The following PTGER3 variants were observed in gnomAD, a reference collection of about 807,000 sequenced individuals.
The protein encoded by PTGER3 is prostaglandin E2 receptor EP3 subtype.
A neutral mutation model predicts 34.7 loss-of-function variants in PTGER3; 22 were observed. The observed-to-expected ratio is 0.63, with a 90% confidence interval of 0.45 to 0.91. PTGER3 has a LOEUF of 0.91. PTGER3 is among the 40% of genes least tolerant of loss of function. PTGER3 has a pLI of 0.00. For missense variants in PTGER3, 468 were observed against 519.4 expected, an observed-to-expected ratio of 0.90 and a Z score of 0.96; for synonymous variants, 241 against 230.1, an observed-to-expected ratio of 1.05 and a Z score of -0.43.
At chr1:70,995,857 G>T (rs1349278912) in intron 2 of PTGER3, among the ~76,000 whole-genome samples, 1 of 152,072 alleles carries the variant, frequency 6.6e-6, no homozygotes, top group Non-Finnish European at 1.5e-5. Flanking sequence ...AGTGTTATTT[G>T]ATGTTAATAT....
chr1:70,957,403 A>T (rs573725378), intron 2 of PTGER3, among the ~76,000 whole-genome samples: 1 of 152,328 alleles, frequency 6.6e-6, no homozygotes, highest in Non-Finnish European at 1.5e-5. Context: ...CCTTCATTTA[A>T]CTTGATCATT....
intron 1 of PTGER3, among the ~76,000 whole-genome samples, chr1:71,013,882 TC>T (rs1457999710): frequency 6.6e-6 from 1 of 151,954 alleles, no homozygotes; most frequent in Non-Finnish European, 1.5e-5. Context: ...GGGTTCACAA[TC>T]CCAAGCAAAG....
chr1:70,969,605 GA>G (rs912765690), downstream of PTGER3, among the ~76,000 whole-genome samples: 1 of 152,074 alleles, frequency 6.6e-6, no homozygotes, highest in African/African-American at 2.4e-5. Flanking sequence ...CAGAGGTAAG[GA>G]AAAAACAAAA....
At chr1:71,046,235 G>C (rs1660783071) in intron 1 of PTGER3, among the ~76,000 whole-genome samples, 1 of 143,126 alleles carries the variant, frequency 7.0e-6, no homozygotes, top group South Asian at 2.2e-4. Flanking sequence ...GCAGTGAGCC[G>C]AGGCTGCGCC....
At chr1:70,960,026 A>T (rs901852234) in intron 2 of PTGER3, among the ~76,000 whole-genome samples, 1 of 152,166 alleles carries the variant, frequency 6.6e-6, no homozygotes, top group African/African-American at 2.4e-5. Flanking sequence ...CAGGGAGAAC[A>T]CTATGTGAAC....
chr1:70,952,990 G>C (rs753030889), exon 4 of PTGER3: 46 of 1,612,824 alleles, frequency 2.9e-5, no homozygotes, highest in Admixed American at 8.3e-5. Flanking sequence ...TTCAGCACAC[G>C]ATAGGTTTGT....
intron 4 of PTGER3, among the ~76,000 whole-genome samples, chr1:70,888,387 A>T (rs762090910): frequency 1.3e-5 from 2 of 152,200 alleles, no homozygotes; most frequent in African/African-American, 2.4e-5. Flanking sequence ...CAGGTATTTT[A>T]AAAATTGCAT....
chr1:70,928,868 T>TATAC (rs1553164350), intron 4 of PTGER3, among the ~76,000 whole-genome samples: 12 of 147,172 alleles, frequency 8.2e-5, no homozygotes, highest in Non-Finnish European at 1.1e-4. Flanking sequence ...AATTTACAGA[T>TATAC]ACACACACAC....
chr1:71,022,021 T>C (rs1165495488), intron 1 of PTGER3, among the ~76,000 whole-genome samples: 1 of 151,906 alleles, frequency 6.6e-6, no homozygotes, highest in Admixed American at 6.6e-5. Context: ...AAAAAATAAC[T>C]GTGCTTATTT....
intron 4 of PTGER3, among the ~76,000 whole-genome samples, chr1:70,853,595 G>T (rs556782742): frequency 6.6e-5 from 10 of 152,182 alleles, no homozygotes; most frequent in Non-Finnish European, 1.3e-4. Flanking sequence ...TAATAATATT[G>T]TGGTTTTGTA....
intron 4 of PTGER3, among the ~76,000 whole-genome samples, chr1:70,919,205 T>C (rs936751681): frequency 1.3e-5 from 2 of 152,286 alleles, no homozygotes; most frequent in Admixed American, 1.3e-4. Flanking sequence ...CAATTTAGTC[T>C]GTTGGGATCT....
intron 4 of PTGER3, among the ~76,000 whole-genome samples, chr1:70,912,481 A>C (rs1163150441): frequency 6.6e-6 from 1 of 151,998 alleles, no homozygotes; most frequent in East Asian, 1.9e-4. Context: ...TTTGTTTTTC[A>C]TTGCTTTTCT....
intron 2 of PTGER3, chr1:71,008,052 T>C (rs917977887): frequency 2.1e-5 from 21 of 984,198 alleles, no homozygotes; most frequent in Non-Finnish European, 2.5e-5. Flanking sequence ...TTTAAAAATA[T>C]GAAGTTATTA....
Position 70,952,759 on chromosome 1 carries a change from A to G in PTGER3, c.*148T>C, listed in dbSNP as rs954948385. 3.1e-6 allele frequency: 4 copies of G among 1,300,340 alleles called. No homozygotes were observed. The African/African-American group carries it at 4.5e-5, about 15-fold the overall frequency. 80.6% of individuals were successfully genotyped at this position (1,300,340 alleles called of 1,614,324 possible). A position where few individuals can be genotyped will look rare whatever the true frequency, so the allele number is the denominator to read the frequency against. On this transcript the variant is annotated 3_prime_UTR_variant, in exon 4 of 4. Transcript: ENST00000356595. ...CTAAAAATATGCCCATGTTTGCCCA[A>G]ATGACCTGGCTTGCTGGTAATCTCC...
At chr1:70,882,229 G>A (rs1004174556) in intron 4 of PTGER3, among the ~76,000 whole-genome samples, 3 of 152,208 alleles carry the variant, frequency 2.0e-5, no homozygotes, top group African/African-American at 7.2e-5. Context: ...GCATGGGTGT[G>A]TGGTGTCACC....
chr1:70,940,014 G>T (rs1649610569), intron 4 of PTGER3, among the ~76,000 whole-genome samples: 2 of 152,136 alleles, frequency 1.3e-5, no homozygotes, highest in African/African-American at 4.8e-5. Flanking sequence ...TTTAAGCTCT[G>T]CTTCTCTTAT....
intron 1 of PTGER3, among the ~76,000 whole-genome samples, chr1:71,022,704 T>C (rs1440507334): frequency 6.6e-6 from 1 of 150,556 alleles, no homozygotes; most frequent in Admixed American, 6.6e-5. Flanking sequence ...CTCTCTCTCT[T>C]ACACACACAC....
At chr1:70,881,384 T>G (rs1646386656) in intron 4 of PTGER3, among the ~76,000 whole-genome samples, 1 of 152,244 alleles carries the variant, frequency 6.6e-6, no homozygotes, top group Admixed American at 6.5e-5. Context: ...TTCATTTCTA[T>G]CCGTATTCTG....
chr1:70,915,772 TTTTTCTGAG>T (rs1360461079), intron 4 of PTGER3, among the ~76,000 whole-genome samples: 1 of 151,950 alleles, frequency 6.6e-6, no homozygotes, highest in Non-Finnish European at 1.5e-5. Flanking sequence ...TGTGCAGCTT[TTTTTCTGAG>T]TTTTCTGTTT....
Sources: allele counts gnomAD v4.1 joint callset (sites outside exome capture counted in the v4.1 genomes callset), GRCh38; gene constraint gnomAD v4.1.1; transcripts MANE v1.5; gene names NCBI Gene and HGNC (gene_info 2026-07-23, HGNC 2026-07-21).